The following CIZ1 variants were observed in gnomAD, a reference collection of about 807,000 sequenced individuals.
CIZ1 encodes the protein CDKN1A interacting zinc finger protein 1.
A neutral mutation model predicts 118.6 loss-of-function variants in CIZ1; 58 were observed. The ratio of observed to expected loss-of-function variants is 0.49; its 90% CI spans 0.40 to 0.61. The LOEUF (loss-of-function observed/expected upper bound fraction) is 0.61, where lower values mean the gene tolerates loss of function less well. Ranked by LOEUF, CIZ1 falls within the 20% of genes least tolerant of loss-of-function variation. The pLI, the probability that CIZ1 is intolerant of heterozygous loss-of-function variation, is 0.00. For missense variants in CIZ1, 921 were observed against 1,115.9 expected (o/e 0.83, Z 2.49); for synonymous variants, 448 against 443.4 (o/e 1.01, Z -0.13).
intron 1 of CIZ1, chr9:128,197,294 C>A (rs570690247): frequency 3.8e-4 from 58 of 152,378 alleles, no homozygotes; most frequent in African/African-American, 1.3e-3. Flanking sequence ...GCCCTTCGCG[C>A]CTTTTATATC....
At chr9:128,170,473 G>A (rs1460691497) in intron 11 of CIZ1, among the ~76,000 whole-genome samples, 2 of 152,190 alleles carry the variant, frequency 1.3e-5, no homozygotes, top group Non-Finnish European at 2.9e-5. Flanking sequence ...GCAACATGGG[G>A]AAACCCCATC....
intron 5 of CIZ1, among the ~76,000 whole-genome samples, chr9:128,184,533 C>T (rs990301627): frequency 7.1e-6 from 1 of 141,438 alleles, no homozygotes; most frequent in Non-Finnish European, 1.5e-5. Context: ...CACTTTGTCA[C>T]CCAGGCTGGA....
chr9:128,173,348 T>A (rs1301723904), intron 11 of CIZ1, among the ~76,000 whole-genome samples: 1 of 151,912 alleles, frequency 6.6e-6, no homozygotes, highest in Admixed American at 6.5e-5. Flanking sequence ...GGTTTCACCG[T>A]GTTAGCCATG....
rs139103399 is a variant in CIZ1, at chr9:128,169,486, C to T, written c.2065G>A (p.Val689Ile). Residue 689 changes from valine to isoleucine, a missense_variant, in exon 13 of 17, where the codon GTT becomes ATT. Coordinates refer to ENST00000372938, the MANE Select transcript of CIZ1 (RefSeq NM_001131016.2). ...GGGGTTTTGAAGTAGCGGTTGCAAA[C>T]GGTGCAGAAGGGTCGCAAGGATTGT... ...AKQSLRPFCTVCNRYFKTPRK... is the reference protein window; with the variant it reads ...AKQSLRPFCTICNRYFKTPRK... 55 of 1,614,060 alleles carry T rather than the reference C, an allele frequency of 3.4e-5. No homozygotes were observed. In the Admixed American group the frequency reaches 3.7e-4, roughly 11 times the overall value.
rs1456389255 is a variant in CIZ1, at chr9:128,178,733, G to C, written c.1474C>G (p.Pro492Ala). ...CCTCCACCAGCTTCTACTGCATCAG[G>C]TGGCATCTCCAGCCCGCAGACATGA... ...VVHVCGLEMP[P>A]DAVEAGGGME... Residue 492 changes from proline to alanine, a missense_variant, in exon 8 of 17, where the codon CCT becomes GCT. Coordinates refer to ENST00000372938, the MANE Select transcript of CIZ1 (RefSeq NM_001131016.2). 1 of 1,613,958 alleles carries C rather than the reference G, an allele frequency of 6.2e-7. No homozygotes were observed. Among genetic ancestry groups the C allele is most frequent in the Admixed American group, 1.7e-5 (1 of 60,024 alleles).
In CIZ1 at chr9:128,166,694, C is replaced by A; in HGVS notation, c.2487+65G>T. 1.2e-6 allele frequency: 2 copies of A among 1,607,510 alleles called. No individual in the cohort carries two copies. Among genetic ancestry groups the A allele is most frequent in the Non-Finnish European group, 1.7e-6 (2 of 1,175,302 alleles). On this transcript the variant is annotated intron_variant, in intron 16 of 16. Coordinates refer to ENST00000372938, the MANE Select transcript of CIZ1 (RefSeq NM_001131016.2). The surrounding 1 kb of genome is among the most constrained non-coding windows in gnomAD (Gnocchi z 4.4). ...CAAGAGGGAGTGGCCACTAGCCACC[C>A]GAATCAGCTTGGATTAAGACTAAGT... is the stretch of plus-strand genomic sequence containing the variant.
At position 128,169,413 on chromosome 9, in the gene CIZ1, G is replaced by C. The variant is rs1588117920; in HGVS notation, c.2138C>G (p.Ala713Gly). ...HVKSQGHKDKAKELKSLEKEI... is the reference protein window; with the variant it reads ...HVKSQGHKDKGKELKSLEKEI... ...TGAGGGAGCTCAGGTTACCTCCTTG[G>C]CTTTGTCCTTATGCCCCTGGGACTT... Residue 713 changes from alanine (A) to glycine (G), a missense_variant, in exon 13 of 17, where the codon GCC becomes GGC. Coordinates refer to ENST00000372938, the MANE Select transcript of CIZ1 (RefSeq NM_001131016.2). 1 of 1,613,670 alleles carries C rather than the reference G, an allele frequency of 6.2e-7. No individual in the cohort carries two copies. The highest frequency in any genetic ancestry group is 8.5e-7 in the Non-Finnish European group (1 of 1,179,686).
intron 5 of CIZ1, among the ~76,000 whole-genome samples, chr9:128,183,418 T>C (rs920455213): frequency 5.9e-5 from 9 of 152,200 alleles, no homozygotes; most frequent in African/African-American, 2.2e-4. Context: ...ACAGGCCCGT[T>C]GGAAGGCTGG....
chr9:128,175,592 G>A (rs1365491217), intron 11 of CIZ1, among the ~76,000 whole-genome samples: 1 of 152,176 alleles, frequency 6.6e-6, no homozygotes, highest in East Asian at 1.9e-4. Context: ...ACTGACTCAA[G>A]GGACCGTCCA....
chr9:128,197,213 T>C (rs1375887260), intron 1 of CIZ1: 1 of 152,206 alleles, frequency 6.6e-6, no homozygotes, highest in Non-Finnish European at 1.5e-5. Context: ...TAGTGAATGA[T>C]GAATGAATGA....
intron 3 of CIZ1, 36 bp from the exon 4 acceptor site, chr9:128,187,970 C>G: frequency 1.5e-6 from 1 of 652,770 alleles, no homozygotes; most frequent in Non-Finnish European, 2.9e-6. Flanking sequence ...TTATCAAGAG[C>G]CATAAAACAT....
In CIZ1 at chr9:128,203,572, C is replaced by A. The variant is rs1478390889; in HGVS notation, c.-6+614G>T. 1 of 1,551,156 alleles carries A rather than the reference C, an allele frequency of 6.4e-7. No homozygotes were observed. ...ACGCGGACCTCGACCTGCCGCAGAT[C>A]GCTGTGGTGGGCGGCCAGAGCGCCG... On this transcript the variant is annotated intron_variant, in intron 1 of 17. Transcript: ENST00000372948. The surrounding 1 kb of genome is among the most constrained non-coding windows in gnomAD (Gnocchi z 5.3).
At position 128,203,920 on chromosome 9, in the gene CIZ1, G is replaced by C. The variant is rs1833679894; in HGVS notation, c.-6+266C>G. On this transcript the variant is annotated intron_variant, in intron 1 of 17. Transcript: ENST00000372948. This position sits in a 1 kb window ranked among gnomAD's most constrained non-coding sequence, Gnocchi z 5.3. ...AGACAACGCTCTGCCAGAAGCCCCG[G>C]GCAAAGAGCTGCCCCCCGCCCCCAA... 1 of 204,076 alleles carries C rather than the reference G, an allele frequency of 4.9e-6. No homozygotes were observed. The highest frequency in any genetic ancestry group is 2.3e-5 in the African/African-American group (1 of 42,946). The allele number at this position is 204,076 out of a possible 1,614,324, so 12.6% of individuals were successfully genotyped here. A position where few individuals can be genotyped will look rare whatever the true frequency, so the allele number is the denominator to read the frequency against.
chr9:128,168,373 G>A (rs1339861582), intron 14 of CIZ1, among the ~76,000 whole-genome samples: 6 of 152,064 alleles, frequency 3.9e-5, no homozygotes, highest in African/African-American at 7.2e-5. Flanking sequence ...AAAATTAGCC[G>A]GGCGTGGTGG....
rs1311565899 is a variant in CIZ1 at position 128,178,684 on chromosome 9, C to G, written c.1498+25G>C. On this transcript the variant is annotated intron_variant, in intron 8 of 16. Coordinates refer to ENST00000372938, the MANE Select transcript of CIZ1 (RefSeq NM_001131016.2). ...GGGCAGAGCTGTCCCATCACCAGAC[C>G]AGCTGGGAGCCAGTGCTCACTTACC... 3.1e-6 allele frequency: 5 copies of G among 1,602,368 alleles called. No homozygotes were observed. In the African/African-American group the frequency reaches 5.3e-5, roughly 17 times the overall value.
intron 1 of CIZ1, among the ~76,000 whole-genome samples, chr9:128,199,485 G>A (rs1473108269): frequency 2.0e-5 from 3 of 152,056 alleles, no homozygotes; most frequent in African/African-American, 7.3e-5. Flanking sequence ...AGGATCACTT[G>A]AAACCAGGAG....
At chr9:128,188,020 CA>C (rs1369432404) in intron 3 of CIZ1, 86 bp from the exon 4 acceptor site, 9 of 299,690 alleles carry the variant, frequency 3.0e-5, no homozygotes, top group African/African-American at 2.9e-4. Flanking sequence ...TCTCAAACAA[CA>C]TATTCATCCC....
At chr9:128,178,303 A>G (rs1831126711) in intron 9 of CIZ1, 66 bp downstream of exon 9, 2 of 1,543,194 alleles carry the variant, frequency 1.3e-6, no homozygotes, top group Admixed American at 2.1e-5. Context: ...CCTGGGGCAG[A>G]AAGAGGCCAT....
Position 128,203,626 on chromosome 9 carries a change from A to T in CIZ1, c.-6+560T>A. 3 of 1,530,200 alleles carry T rather than the reference A, an allele frequency of 2.0e-6. No individual in the cohort carries two copies. The highest frequency in any genetic ancestry group is 1.7e-6 in the Non-Finnish European group (2 of 1,145,122). The allele number at this position is 1,530,200 out of a possible 1,614,324, so 94.8% of individuals were successfully genotyped here. ...AGAGCTCGGTGCTCGAGAATTTCGT[A>T]GGCAGGTAGGCGCGGCGCGCCCCCA... On this transcript the variant is annotated intron_variant, in intron 1 of 17. Transcript: ENST00000372948. The surrounding 1 kb of genome is among the most constrained non-coding windows in gnomAD (Gnocchi z 5.3).
Sources: allele counts gnomAD v4.1 joint callset (sites outside exome capture counted in the v4.1 genomes callset), GRCh38; gene constraint gnomAD v4.1.1; non-coding constraint Gnocchi (gnomAD v3.1); transcripts MANE v1.5; gene names NCBI Gene and HGNC (gene_info 2026-07-23, HGNC 2026-07-21).